SAXO1: variants seen among roughly 807,000 people sequenced by gnomAD.
SAXO1 encodes stabilizer of axonemal microtubules 1, also known as 4930500O09Rik.
Under a neutral mutation model 17.5 loss-of-function variants are expected in SAXO1, and 21 were observed. That is an observed-to-expected ratio of 1.20 (90% CI 0.85 to 1.72). SAXO1 has a LOEUF of 1.72. Ranked by LOEUF, SAXO1 falls within the 40% of genes most tolerant of loss-of-function variation. SAXO1 has a pLI of 0.00. For synonymous variants in SAXO1, 274 were observed against 216.5 expected (o/e 1.27, Z -2.33); for missense variants, 843 against 596.0 (o/e 1.41, Z -4.32).
At chr9:19,002,720 A>G (rs1834327089) in intron 1 of SAXO1, among the ~76,000 whole-genome samples, 1 of 152,214 alleles carries the variant, frequency 6.6e-6, no homozygotes, top group Non-Finnish European at 1.5e-5. Flanking sequence ...CTCTCAATAA[A>G]CTAGGTACTG....
At chr9:18,972,948 C>T (rs914970041) in intron 1 of SAXO1, among the ~76,000 whole-genome samples, 2 of 152,172 alleles carry the variant, frequency 1.3e-5, no homozygotes, top group Admixed American at 6.5e-5. Flanking sequence ...CAGGATCCCA[C>T]CCTCTGCCAC....
At chr9:18,949,363 G>A (rs1313220801) in intron 2 of SAXO1, among the ~76,000 whole-genome samples, 2 of 126,268 alleles carry the variant, frequency 1.6e-5, no homozygotes, top group African/African-American at 2.5e-5. Context: ...AGACTGAGGG[G>A]CAAGGATCAC....
chr9:19,044,418 A>G (rs1314908683), intron 1 of SAXO1, among the ~76,000 whole-genome samples: 1 of 152,228 alleles, frequency 6.6e-6, no homozygotes, highest in Non-Finnish European at 1.5e-5. Context: ...GGCAGATTGA[A>G]CACACGCATT....
rs71333077 is a variant in SAXO1 at position 19,024,012 on chromosome 9, C to CTTTTTTT, written c.38+8852_38+8858dup. ...GAAGAAGAAATGCTACTCTTTAAGG[C>CTTTTTTT]TTTTTTTTTTTTTTTTTTTTTTTTT... On this transcript the variant is annotated intron_variant, in intron 1 of 3. Transcript: ENST00000380534. Among the ~76,000 whole-genome samples, 37 of 38,130 alleles carry CTTTTTTT rather than the reference C, an allele frequency of 9.7e-4. 1 individual carries two copies. Among genetic ancestry groups the CTTTTTTT allele is most frequent in the African/African-American group, 2.5e-3 (23 of 9,176 alleles). 25.0% of individuals were successfully genotyped at this position (38,130 alleles called of 152,430 possible).
At chr9:19,037,037 T>C (rs1190628942), upstream of SAXO1, among the ~76,000 whole-genome samples, 3 of 152,212 alleles carry the variant, frequency 2.0e-5, no homozygotes, top group Non-Finnish European at 4.4e-5. Flanking sequence ...GGAGATCATT[T>C]TGGAGCTTTA....
intron 1 of SAXO1, among the ~76,000 whole-genome samples, chr9:19,031,571 A>T (rs1475169111): frequency 2.6e-5 from 4 of 152,210 alleles, no homozygotes; most frequent in Non-Finnish European, 4.4e-5. Flanking sequence ...CAAAAAGAAA[A>T]AAGAAAGGCG....
intron 2 of SAXO1, among the ~76,000 whole-genome samples, chr9:18,943,346 G>C (rs1254923227): frequency 6.6e-6 from 1 of 152,204 alleles, no homozygotes; most frequent in Non-Finnish European, 1.5e-5. Flanking sequence ...GTGTCTGGAA[G>C]CTGACTGTAC....
intron 1 of SAXO1, among the ~76,000 whole-genome samples, chr9:18,973,594 A>C (rs755576494): frequency 5.3e-5 from 8 of 152,216 alleles, no homozygotes; most frequent in Non-Finnish European, 1.0e-4. Context: ...CTGGTGCTGC[A>C]CTGGATAAGA....
intron 1 of SAXO1, among the ~76,000 whole-genome samples, chr9:18,987,245 C>A (rs1476169568): frequency 6.6e-6 from 1 of 152,188 alleles, no homozygotes; most frequent in Non-Finnish European, 1.5e-5. Context: ...TCAGATCTCA[C>A]CCCTTCACCC....
At chr9:19,033,764 A>G (rs1835863546), upstream of SAXO1, among the ~76,000 whole-genome samples, 1 of 152,196 alleles carries the variant, frequency 6.6e-6, no homozygotes, top group South Asian at 2.1e-4. Flanking sequence ...TGGCATCAGG[A>G]CCACCTGGCT....
intron 1 of SAXO1, among the ~76,000 whole-genome samples, chr9:19,003,625 C>T (rs1834370130): frequency 6.6e-6 from 1 of 152,124 alleles, no homozygotes; most frequent in South Asian, 2.1e-4. Flanking sequence ...ACAAACCTGA[C>T]AAAAATAAGC....
At chr9:18,960,952 G>A (rs537097692) in intron 1 of SAXO1, among the ~76,000 whole-genome samples, 2 of 152,246 alleles carry the variant, frequency 1.3e-5, no homozygotes, top group South Asian at 4.2e-4. Context: ...GAAATGTTCT[G>A]GAGTGCTGGC....
chr9:18,928,622 C>G lies in SAXO1; in HGVS notation c.855G>C (p.Arg285=). 4 of 1,614,062 alleles carry G rather than the reference C, an allele frequency of 2.5e-6. No homozygotes were observed. The highest frequency in any genetic ancestry group is 3.4e-6 in the Non-Finnish European group (4 of 1,180,004). ...AGGTGATGGGAGCTTTGGAGAACAT[C>G]CGGGGCATTGGCCAAGCTTGGTACT... ...RDKYQAWPMP[R]MFSKAPITYV... is the part of the protein sequence containing the mutation. Residue 285 remains arginine, a synonymous_variant, in exon 4 of 4, where the codon CGG becomes CGC. Transcript: ENST00000380534.
chr9:19,041,081 A>T (rs1836067235), intron 1 of SAXO1, among the ~76,000 whole-genome samples: 1 of 151,948 alleles, frequency 6.6e-6, no homozygotes, highest in South Asian at 2.1e-4. Flanking sequence ...GAATTGATCA[A>T]CAAATACAGT....
chr9:19,031,406 A>G (rs1258131569), intron 1 of SAXO1, among the ~76,000 whole-genome samples: 1 of 152,196 alleles, frequency 6.6e-6, no homozygotes, highest in Non-Finnish European at 1.5e-5. Flanking sequence ...TACTAAAAAT[A>G]CAAAAATTAG....
At chr9:19,028,794 A>T (rs1835628328) in intron 1 of SAXO1, among the ~76,000 whole-genome samples, 3 of 152,190 alleles carry the variant, frequency 2.0e-5, no homozygotes, top group Admixed American at 2.0e-4. Context: ...GAAAAGTTTT[A>T]CAAGTGATTG....
At chr9:18,965,554 G>C (rs990782473) in intron 1 of SAXO1, among the ~76,000 whole-genome samples, 2 of 151,342 alleles carry the variant, frequency 1.3e-5, no homozygotes, top group African/African-American at 4.9e-5. Context: ...TTTTATCAAA[G>C]ACTAGGATTG....
chr9:18,960,925 G>A (rs757396340), intron 1 of SAXO1, among the ~76,000 whole-genome samples: 1 of 152,162 alleles, frequency 6.6e-6, no homozygotes, highest in South Asian at 2.1e-4. Flanking sequence ...AAGAGAGTGA[G>A]GGTGAAGGGG....
Position 18,941,822 on chromosome 9 carries a change from T to C in SAXO1, c.236A>G (p.His79Arg). The C allele has an allele frequency of 1.2e-6, 2 of 1,614,228 alleles. No homozygotes were observed. Among genetic ancestry groups the C allele is most frequent in the Non-Finnish European group, 1.7e-6 (2 of 1,180,036 alleles). The stretch of plus-strand genomic sequence containing the variant: ...GTGGACCTTCACTGGTGCCACTTTG[T>C]GAGGCCCAAAATCTCTCCTGTAAGG... ...LTTSRRDFGP[H>R]KVAPVKVHQY... The change falls in exon 3 of 4, where the codon CAC becomes CGC. Residue 79 changes from histidine (H) to arginine (R), a missense_variant. Transcript: ENST00000380534.
Sources: allele counts gnomAD v4.1 joint callset (sites outside exome capture counted in the v4.1 genomes callset), GRCh38; gene constraint gnomAD v4.1.1; transcripts MANE v1.5; gene names NCBI Gene and HGNC (gene_info 2026-07-23, HGNC 2026-07-21).